TMEM217B: variants seen among roughly 807,000 people sequenced by gnomAD.
TMEM217B encodes transmembrane protein 217B, also known as putative transmembrane protein 217B.
At chr6:37,231,651 G>A in the TMEM217B span, among the ~76,000 whole-genome samples, 6 of 138,100 alleles carry the variant, frequency 4.3e-5, no homozygotes, top group Non-Finnish European at 9.2e-5. Context: ...CAGCCTGGGC[G>A]ATAGAGTGAG....
chr6:37,226,859 C>T, the TMEM217B span, among the ~76,000 whole-genome samples: 1 of 152,206 alleles, frequency 6.6e-6, no homozygotes, highest in East Asian at 1.9e-4. Flanking sequence ...AGCCACGGCA[C>T]CCAGCCCAAG....
chr6:37,216,009 G>A, the TMEM217B span, among the ~76,000 whole-genome samples: 1 of 20,740 alleles, frequency 4.8e-5, no homozygotes, highest in Admixed American at 6.0e-4. Context: ...GTGTGTGTGT[G>A]TGTGTGTGTG....
At chr6:37,244,269 C>G in the TMEM217B span, among the ~76,000 whole-genome samples, 4 of 152,236 alleles carry the variant, frequency 2.6e-5, no homozygotes, top group Non-Finnish European at 5.9e-5. Context: ...AGGTTAGAAG[C>G]AAGAAGGAGT....
chr6:37,221,863 G>A, the TMEM217B span, among the ~76,000 whole-genome samples: 1 of 152,200 alleles, frequency 6.6e-6, no homozygotes, highest in African/African-American at 2.4e-5. Flanking sequence ...GGCAAGTCAT[G>A]CTAATATCTG....
the TMEM217B span, among the ~76,000 whole-genome samples, chr6:37,215,570 CAAAAAAAAAAAAA>C: frequency 2.6e-4 from 19 of 72,368 alleles, no homozygotes; most frequent in African/African-American, 1.0e-3. Context: ...GACTCTGTCT[CAAAAAAAAAAAAA>C]AAAAAAAAAA....
the TMEM217B span, among the ~76,000 whole-genome samples, chr6:37,222,123 G>T: frequency 6.6e-6 from 1 of 152,188 alleles, no homozygotes; most frequent in African/African-American, 2.4e-5. Flanking sequence ...GGTCTTTTAT[G>T]GACCTCAGAA....
chr6:37,252,631 ATATATATTTTTTTT>A, the TMEM217B span, among the ~76,000 whole-genome samples: 2 of 77,328 alleles, frequency 2.6e-5, no homozygotes, highest in Non-Finnish European at 4.7e-5. Flanking sequence ...ATATATATAT[ATATATATTTTTTTT>A]TTTTTTTTTT....
the TMEM217B span, chr6:37,212,453 G>T: frequency 2.3e-6 from 1 of 442,642 alleles, no homozygotes; most frequent in Non-Finnish European, 4.6e-6. Flanking sequence ...AGACGGACAG[G>T]TAGTCATGAG....
chr6:37,243,161 C>G, the TMEM217B span, among the ~76,000 whole-genome samples: 1 of 152,178 alleles, frequency 6.6e-6, no homozygotes, highest in South Asian at 2.1e-4. Context: ...ATAAAGTCCA[C>G]CACGGAGATG....
At chr6:37,229,334 A>ATTTTTT in the TMEM217B span, among the ~76,000 whole-genome samples, 7 of 30,316 alleles carry the variant, frequency 2.3e-4, no homozygotes, top group South Asian at 1.3e-3. Flanking sequence ...AGCAACTTTC[A>ATTTTTT]GTTTTTTTTT....
At chr6:37,223,311 A>T in the TMEM217B span, among the ~76,000 whole-genome samples, 1 of 152,332 alleles carries the variant, frequency 6.6e-6, no homozygotes, top group South Asian at 2.1e-4. Context: ...TACACAAAAC[A>T]TATGGTACTC....
the TMEM217B span, among the ~76,000 whole-genome samples, chr6:37,256,608 G>A: frequency 6.6e-6 from 1 of 152,166 alleles, no homozygotes; most frequent in Non-Finnish European, 1.5e-5. Context: ...GACAAAAGAA[G>A]CTTGAAAATG....
At chr6:37,251,693 G>A in the TMEM217B span, among the ~76,000 whole-genome samples, 3 of 152,196 alleles carry the variant, frequency 2.0e-5, no homozygotes, top group Non-Finnish European at 4.4e-5. Flanking sequence ...TCAGGATCGT[G>A]GTTTCCACTG....
At chr6:37,230,573 C>A in the TMEM217B span, among the ~76,000 whole-genome samples, 1 of 152,028 alleles carries the variant, frequency 6.6e-6, no homozygotes, top group Admixed American at 6.6e-5. Context: ...AGAGGGATGA[C>A]CATGTGAAAA....
the TMEM217B span, among the ~76,000 whole-genome samples, chr6:37,243,881 TG>T: frequency 6.6e-6 from 1 of 151,952 alleles, no homozygotes; most frequent in African/African-American, 2.4e-5. Context: ...TGCCTCTGGA[TG>T]GGGGGGTGCA....
At chr6:37,215,994 G>GGTGTGTGTGTGTGTGT in the TMEM217B span, among the ~76,000 whole-genome samples, 1 of 149,082 alleles carries the variant, frequency 6.7e-6, no homozygotes, top group Admixed American at 6.7e-5. Context: ...GGTTCTTCAG[G>GGTGTGTGTGTGTGTGT]GTGTGTGTGT....
chr6:37,239,891 T>TCA, the TMEM217B span, among the ~76,000 whole-genome samples: 2 of 133,730 alleles, frequency 1.5e-5, no homozygotes. Flanking sequence ...CCCAGCTCAT[T>TCA]AAAAAAAAAA....
the TMEM217B span, among the ~76,000 whole-genome samples, chr6:37,251,168 T>C: frequency 6.6e-6 from 1 of 150,666 alleles, no homozygotes. Context: ...GTTTACAAGC[T>C]ACCCAATCTA....
chr6:37,257,820 G>C, the TMEM217B span: 3 of 1,381,072 alleles, frequency 2.2e-6, no homozygotes, highest in Admixed American at 6.5e-5. Flanking sequence ...ACCGGCGGCG[G>C]GGAAGCGGCC....
Sources: allele counts gnomAD v4.1 joint callset (sites outside exome capture counted in the v4.1 genomes callset), GRCh38; gene constraint gnomAD v4.1.1; transcripts MANE v1.5; gene names NCBI Gene and HGNC (gene_info 2026-07-23, HGNC 2026-07-21).